CTNNBL1: variants seen among roughly 807,000 people sequenced by gnomAD.
CTNNBL1 encodes the protein catenin beta like 1.
CTNNBL1 carries 31 observed loss-of-function variants against 72.7 expected under a neutral mutation model. That is an observed-to-expected ratio of 0.43 (90% CI 0.32 to 0.58). The LOEUF (loss-of-function observed/expected upper bound fraction) is 0.58. Among genes scored for constraint, CTNNBL1 ranks in the 20% least tolerant of loss-of-function variants. CTNNBL1 has a pLI of 0.08. For synonymous variants in CTNNBL1, 240 were observed against 267.3 expected (o/e 0.90, Z 1.00); for missense variants, 534 against 725.1 (o/e 0.74, Z 3.03).
At chr20:37,859,823 A>G (rs2072474836) in intron 13 of CTNNBL1, 76 bp from the exon 14 acceptor site, 1 of 1,491,794 alleles carries the variant, frequency 6.7e-7, no homozygotes, top group South Asian at 1.2e-5. Flanking sequence ...TGTGTGTATT[A>G]TGGCCAGACT....
chr20:37,744,424 G>GA (rs2122619080), intron 3 of CTNNBL1, among the ~76,000 whole-genome samples: 1 of 152,266 alleles, frequency 6.6e-6, no homozygotes, highest in Non-Finnish European at 1.5e-5. Flanking sequence ...TTGTTAAAGG[G>GA]AAAAGAAATG....
At chr20:37,700,692 A>G (rs1475826262) in intron 1 of CTNNBL1, among the ~76,000 whole-genome samples, 1 of 152,208 alleles carries the variant, frequency 6.6e-6, no homozygotes, top group Non-Finnish European at 1.5e-5. Context: ...GCATAGGCGC[A>G]TATATGAACT....
intron 10 of CTNNBL1, among the ~76,000 whole-genome samples, chr20:37,780,397 A>G (rs1305458365): frequency 6.6e-6 from 1 of 152,130 alleles, no homozygotes; most frequent in African/African-American, 2.4e-5. Context: ...TGTCTCCACA[A>G]AGTTAGGAAA....
intron 1 of CTNNBL1, among the ~76,000 whole-genome samples, chr20:37,720,013 A>AT (rs2073026340): frequency 7.1e-6 from 1 of 140,414 alleles, no homozygotes; most frequent in African/African-American, 2.7e-5. Context: ...CGCCTGGCTA[A>AT]TTTTTTTAAA....
chr20:37,869,722 C>T (rs531499652), intron 15 of CTNNBL1, among the ~76,000 whole-genome samples: 2 of 152,314 alleles, frequency 1.3e-5, no homozygotes, highest in African/African-American at 4.8e-5. Flanking sequence ...GTGGGACTTC[C>T]CCAGTGCCAT....
intron 11 of CTNNBL1, among the ~76,000 whole-genome samples, chr20:37,834,199 TGATACC>T (rs202236416): frequency 0.012 from 1,894 of 152,306 alleles, 41 homozygotes; most frequent in African/African-American, 0.044. Context: ...TTACAGCTTC[TGATACC>T]CTCTCTGTGC....
chr20:37,804,714 A>T (rs1392927758), intron 11 of CTNNBL1, among the ~76,000 whole-genome samples: 1 of 152,176 alleles, frequency 6.6e-6, no homozygotes, highest in Non-Finnish European at 1.5e-5. Context: ...GCTGGAACAG[A>T]GTGTGAAGGA....
intron 11 of CTNNBL1, among the ~76,000 whole-genome samples, chr20:37,815,537 C>T (rs1415847711): frequency 1.3e-5 from 2 of 152,066 alleles, no homozygotes; most frequent in Non-Finnish European, 2.9e-5. Flanking sequence ...AGGCTGCTCT[C>T]GAACTCCTGA....
chr20:37,773,067 G>T (rs890718002), intron 7 of CTNNBL1, among the ~76,000 whole-genome samples: 1 of 152,130 alleles, frequency 6.6e-6, no homozygotes. Context: ...ACGTACTATT[G>T]AAAATAACAG....
At chr20:37,707,010 T>C (rs948566788) in intron 1 of CTNNBL1, among the ~76,000 whole-genome samples, 7 of 152,174 alleles carry the variant, frequency 4.6e-5, no homozygotes, top group Admixed American at 4.6e-4. Flanking sequence ...GGAAGAAATT[T>C]TTTTTTTTCT....
chr20:37,745,877 T>C (rs943848554), intron 3 of CTNNBL1, among the ~76,000 whole-genome samples: 2 of 152,184 alleles, frequency 1.3e-5, no homozygotes, highest in Admixed American at 6.5e-5. Flanking sequence ...AAGGTTCAGG[T>C]ATAGAAATGT....
intron 1 of CTNNBL1, among the ~76,000 whole-genome samples, chr20:37,703,395 G>A (rs544149192): frequency 6.6e-6 from 1 of 152,236 alleles, no homozygotes; most frequent in South Asian, 2.1e-4. Context: ...CAGCTATTTT[G>A]TAGAATGTCC....
chr20:37,776,819 T>C (rs1363144598), intron 7 of CTNNBL1, among the ~76,000 whole-genome samples: 1 of 152,200 alleles, frequency 6.6e-6, no homozygotes, highest in Non-Finnish European at 1.5e-5. Context: ...GATTATGGCA[T>C]GCAAGCAGAT....
intron 13 of CTNNBL1, among the ~76,000 whole-genome samples, chr20:37,853,085 T>C (rs1487600202): frequency 6.6e-6 from 1 of 152,180 alleles, no homozygotes; most frequent in Non-Finnish European, 1.5e-5. Flanking sequence ...AAGGGGAAGC[T>C]GGGTGCCTTC....
At chr20:37,756,561 T>C (rs2073365854) in intron 4 of CTNNBL1, among the ~76,000 whole-genome samples, 1 of 151,726 alleles carries the variant, frequency 6.6e-6, no homozygotes, top group South Asian at 2.1e-4. Flanking sequence ...TTTCCAAATA[T>C]AACTCTTTCT....
intron 10 of CTNNBL1, among the ~76,000 whole-genome samples, chr20:37,799,293 A>G (rs1490048310): frequency 2.6e-5 from 4 of 152,016 alleles, no homozygotes; most frequent in African/African-American, 9.7e-5. Flanking sequence ...CTCGACATCT[A>G]CAGGATGGAG....
At chr20:37,845,891 G>C (rs1209520155) in intron 13 of CTNNBL1, among the ~76,000 whole-genome samples, 1 of 152,130 alleles carries the variant, frequency 6.6e-6, no homozygotes, top group South Asian at 2.1e-4. Context: ...AAGATAACAG[G>C]CTCAAGTATT....
At chr20:37,698,312 G>A (rs2072810452) in intron 1 of CTNNBL1, among the ~76,000 whole-genome samples, 1 of 152,202 alleles carries the variant, frequency 6.6e-6, no homozygotes, top group Non-Finnish European at 1.5e-5. Flanking sequence ...GGCCAGCCAG[G>A]AGCATCTCCT....
At chr20:37,818,857 C>T (rs997474419) in intron 11 of CTNNBL1, among the ~76,000 whole-genome samples, 3 of 152,286 alleles carry the variant, frequency 2.0e-5, no homozygotes, top group East Asian at 3.9e-4. Flanking sequence ...TTGTGAAAGT[C>T]GACCACCTCT....
Sources: allele counts gnomAD v4.1 joint callset (sites outside exome capture counted in the v4.1 genomes callset), GRCh38; gene constraint gnomAD v4.1.1; transcripts MANE v1.5; gene names NCBI Gene and HGNC (gene_info 2026-07-23, HGNC 2026-07-21).